The following AHCYL2 variants were observed in gnomAD, a reference collection of about 807,000 sequenced individuals.
AHCYL2 encodes adenosylhomocysteinase like 2, also known as S-adenosylhomocysteine hydrolase-like protein 2.
Under a neutral mutation model 81.4 loss-of-function variants are expected in AHCYL2, and 28 were observed. The ratio of observed to expected loss-of-function variants is 0.34; its 90% CI spans 0.25 to 0.47. The LOEUF is 0.47. AHCYL2 is among the 20% of genes least tolerant of loss of function. AHCYL2 has a pLI of 1.00. For missense variants in AHCYL2, 551 were observed against 785.1 expected, an observed-to-expected ratio of 0.70 and a Z score of 3.56; for synonymous variants, 272 against 290.2, an observed-to-expected ratio of 0.94 and a Z score of 0.64.
intron 1 of AHCYL2, among the ~76,000 whole-genome samples, chr7:129,281,672 A>AT (rs1310757491): frequency 1.3e-5 from 2 of 151,264 alleles, no homozygotes; most frequent in Middle Eastern, 3.4e-3. Flanking sequence ...TAATTTTTGC[A>AT]TTTTTTGTAG....
In AHCYL2 at chr7:129,225,325, G is replaced by A. The variant is rs1794171015; in HGVS notation, c.249G>A (p.Ala83=). 2 of 1,493,634 alleles carry A rather than the reference G, an allele frequency of 1.3e-6. No individual in the cohort carries two copies. The highest frequency in any genetic ancestry group is 8.9e-7 in the Non-Finnish European group (1 of 1,129,776). The allele number at this position is 1,493,634 out of a possible 1,614,324, so 92.5% of individuals were successfully genotyped here. A position where few individuals can be genotyped will look rare whatever the true frequency, so the allele number is the denominator to read the frequency against. ...LSPAAGKVPQ[A]SAMKRSDPHH... ...CCGCCGCCGGGAAGGTGCCTCAGGCGTCGGCCATGAAGCGGAGCGACCCAC... is the reference window on the plus strand; with the variant it reads ...CCGCCGCCGGGAAGGTGCCTCAGGCATCGGCCATGAAGCGGAGCGACCCAC... Residue 83 remains alanine, a synonymous_variant, in exon 1 of 17, where the codon GCG becomes GCA. Coordinates refer to ENST00000325006, the MANE Select transcript of AHCYL2 (RefSeq NM_015328.4).
At chr7:129,266,177 T>C (rs1304644561) in intron 1 of AHCYL2, among the ~76,000 whole-genome samples, 1 of 152,240 alleles carries the variant, frequency 6.6e-6, no homozygotes, top group Non-Finnish European at 1.5e-5. Flanking sequence ...ACATTCGCTA[T>C]TTTGCTCAGC....
Position 129,429,965 on chromosome 7 carries a change from G to A in AHCYL2, c.*2920G>A, listed in dbSNP as rs1018795451. The A allele has an allele frequency of 1.6e-4, 24 of 151,852 alleles. No homozygotes were observed. Among genetic ancestry groups the A allele is most frequent in the African/African-American group, 5.3e-4 (22 of 41,238 alleles). 9.4% of individuals were successfully genotyped at this position (151,852 alleles called of 1,614,324 possible). ...TTTCAATAAAGGAAAATTACGGAAG[G>A]AAAATAGGCAACACCAGCAAATTAT... On this transcript the variant is annotated 3_prime_UTR_variant, in exon 17 of 17. Coordinates refer to ENST00000325006, the MANE Select transcript of AHCYL2 (RefSeq NM_015328.4).
intron 1 of AHCYL2, among the ~76,000 whole-genome samples, chr7:129,376,096 G>A (rs1345764215): frequency 1.3e-5 from 2 of 152,116 alleles, no homozygotes; most frequent in Admixed American, 6.5e-5. Flanking sequence ...CTTAATGCCT[G>A]TTGGAATTAG....
chr7:129,246,671 AT>A (rs1419733211), intron 1 of AHCYL2, among the ~76,000 whole-genome samples: 1 of 151,498 alleles, frequency 6.6e-6, no homozygotes, highest in Admixed American at 6.6e-5. Context: ...TAATTTTTGT[AT>A]TTTTTGTAGA....
intron 1 of AHCYL2, among the ~76,000 whole-genome samples, chr7:129,296,286 C>T (rs1797048909): frequency 6.6e-6 from 1 of 152,148 alleles, no homozygotes; most frequent in Non-Finnish European, 1.5e-5. Flanking sequence ...AGTGAGTAAC[C>T]TCTGTACACC....
intron 1 of AHCYL2, among the ~76,000 whole-genome samples, chr7:129,272,516 G>GT (rs1056138789): frequency 1.3e-5 from 2 of 152,212 alleles, no homozygotes; most frequent in Admixed American, 1.3e-4. Context: ...TTGGAATTTG[G>GT]TGAGGGTTAA....
intron 1 of AHCYL2, among the ~76,000 whole-genome samples, chr7:129,298,862 A>G (rs919375075): frequency 1.3e-5 from 2 of 152,232 alleles, no homozygotes; most frequent in Non-Finnish European, 2.9e-5. Context: ...TTACTGAATT[A>G]TACAATAAAA....
chr7:129,334,278 A>C (rs1456596342), intron 1 of AHCYL2, among the ~76,000 whole-genome samples: 3 of 152,212 alleles, frequency 2.0e-5, no homozygotes, highest in African/African-American at 7.2e-5. Flanking sequence ...ATGGCTGCCT[A>C]ACTTCAAAGT....
In AHCYL2 at chr7:129,225,123, A is replaced by C; in HGVS notation, c.47A>C (p.Glu16Ala). 6.2e-7 allele frequency: 1 copy of C among 1,602,584 alleles called. No homozygotes were observed. Among genetic ancestry groups the C allele is most frequent in the Non-Finnish European group, 8.5e-7 (1 of 1,175,790 alleles). The change falls in exon 1 of 17, where the codon GAG (glutamate) becomes GCG (alanine). Residue 16 changes from glutamate to alanine, a missense_variant. Around this residue, in one of 2 missense-constraint regions of AHCYL2, gnomAD observed 235 missense variants for 242.1 expected, o/e 0.97. Transcript: ENST00000325006. ...GCCGCGGCTGCCGCCAAGGTGCCTG[A>C]GGTGGAGCTGAAGGACCTGAGCCCC... ...VSAAAAAKVP[E>A]VELKDLSPSE...
At chr7:129,401,152 C>CA (rs1563235954) in intron 6 of AHCYL2, among the ~76,000 whole-genome samples, 1 of 151,980 alleles carries the variant, frequency 6.6e-6, no homozygotes, top group African/African-American at 2.4e-5. Flanking sequence ...AGGCTTTCTA[C>CA]AAAAAATACA....
chr7:129,415,010 A>AC lies in AHCYL2; in HGVS notation c.1461+1324dup, dbSNP rs1796776097. 2.0e-5 allele frequency among the ~76,000 whole-genome samples: 3 copies of AC among 152,258 alleles called. No individual in the cohort carries two copies. The East Asian group carries it at 5.8e-4, about 29-fold the overall frequency. ...ATTATTAAAAATAGCTGGCAGAACA[A>AC]CCTACCAAAGCCCCTTTCTACCCTG... On this transcript the variant is annotated intron_variant, in intron 12 of 16. Coordinates refer to ENST00000325006, the MANE Select transcript of AHCYL2 (RefSeq NM_015328.4).
chr7:129,336,936 G>A (rs1563201888), intron 1 of AHCYL2, among the ~76,000 whole-genome samples: 1 of 151,904 alleles, frequency 6.6e-6, no homozygotes, highest in Non-Finnish European at 1.5e-5. Flanking sequence ...TGTAAAGACG[G>A]GTGTCTCATC....
intron 1 of AHCYL2, among the ~76,000 whole-genome samples, chr7:129,364,634 A>T (rs1300442951): frequency 6.6e-6 from 1 of 152,020 alleles, no homozygotes. Context: ...TTACCACACT[A>T]GTCTACACTA....
chr7:129,407,028 A>G (rs1055644381), intron 10 of AHCYL2, among the ~76,000 whole-genome samples: 1 of 152,198 alleles, frequency 6.6e-6, no homozygotes, highest in Non-Finnish European at 1.5e-5. Context: ...TACCTACCTC[A>G]TAGGATTGTG....
At position 129,225,120 on chromosome 7, in the gene AHCYL2, C is replaced by G. The variant is rs1252270597; in HGVS notation, c.44C>G (p.Pro15Arg). ...VVSAAAAAKV[P>R]EVELKDLSPS... ...TCAGCCGCGGCTGCCGCCAAGGTGC[C>G]TGAGGTGGAGCTGAAGGACCTGAGC... The change falls in exon 1 of 17, where the codon CCT (proline) becomes CGT (arginine). Residue 15 changes from proline to arginine, a missense_variant. By Grantham distance (103) the Pro-to-Arg change is moderately radical. Coordinates refer to ENST00000325006, the MANE Select transcript of AHCYL2 (RefSeq NM_015328.4). The G allele has an allele frequency of 1.2e-6, 2 of 1,602,254 alleles. No individual in the cohort carries two copies. The highest frequency in any genetic ancestry group is 1.7e-6 in the Non-Finnish European group (2 of 1,175,690).
intron 13 of AHCYL2, 83 bp from the exon 14 acceptor site, chr7:129,424,791 G>T (rs1797282164): frequency 7.0e-7 from 1 of 1,434,204 alleles, no homozygotes; most frequent in African/African-American, 1.4e-5. Context: ...TTTGGAAAAT[G>T]GTGGTCATGC....
At chr7:129,237,532 A>G (rs772040515) in intron 1 of AHCYL2, among the ~76,000 whole-genome samples, 1 of 147,864 alleles carries the variant, frequency 6.8e-6, no homozygotes, top group Admixed American at 7.1e-5. Flanking sequence ...TGAATTATTC[A>G]TAGAAATACT....
chr7:129,235,166 C>T (rs1169692745), intron 1 of AHCYL2, among the ~76,000 whole-genome samples: 5 of 152,080 alleles, frequency 3.3e-5, no homozygotes, highest in Non-Finnish European at 5.9e-5. Flanking sequence ...ACATTGACTC[C>T]TTGTGAAACA....
Sources: gnomAD v4.1 joint callset for allele counts (sites outside exome capture counted in the v4.1 genomes callset) on GRCh38, gnomAD v4.1.1 for gene constraint, gnomAD v4.1.1 regional missense constraint, MANE v1.5 for transcripts, NCBI Gene and HGNC (gene_info 2026-07-23, HGNC 2026-07-21) for gene names.